Variants in CCT4 observed in about 807,000 individuals in gnomAD.
CCT4 encodes the protein chaperonin containing TCP1 subunit 4, also known as T-complex protein 1 subunit delta.
In CCT4, 17 loss-of-function variants were observed where a neutral mutation model predicts 62.5. The ratio of observed to expected loss-of-function variants is 0.27; its 90% confidence interval spans 0.19 to 0.41. The LOEUF (loss-of-function observed/expected upper bound fraction) is 0.41. CCT4 is among the 10% of genes least tolerant of loss of function. CCT4 has a pLI of 1.00. For missense variants in CCT4, 592 were observed against 659.2 expected (o/e 0.90, Z 1.12); for synonymous variants, 250 against 229.9 (o/e 1.09, Z -0.79).
intron 2 of CCT4, among the ~76,000 whole-genome samples, chr2:61,884,195 G>A (rs1484239281): frequency 1.3e-5 from 2 of 152,174 alleles, no homozygotes; most frequent in Non-Finnish European, 2.9e-5. Flanking sequence ...ATATTTGGGT[G>A]TGCATTCTCA....
intron 3 of CCT4, among the ~76,000 whole-genome samples, chr2:61,882,362 A>T (rs1669137007): frequency 1.3e-5 from 2 of 152,184 alleles, no homozygotes; most frequent in Admixed American, 1.3e-4. Context: ...AAAGAAGTAA[A>T]ATAATTACTG....
chr2:61,887,316 G>GT (rs1346084961), intron 1 of CCT4, among the ~76,000 whole-genome samples: 20 of 152,282 alleles, frequency 1.3e-4, no homozygotes, highest in African/African-American at 3.9e-4. Context: ...GCAAACACAT[G>GT]TAAGGTGTAC....
chr2:61,884,205 ATTGT>A (rs929820580), intron 2 of CCT4, among the ~76,000 whole-genome samples: 1 of 152,184 alleles, frequency 6.6e-6, no homozygotes, highest in African/African-American at 2.4e-5. Flanking sequence ...GTGCATTCTC[ATTGT>A]TTAAGAAGCA....
At chr2:61,870,710 G>A (rs1045520141) in intron 12 of CCT4, among the ~76,000 whole-genome samples, 3 of 152,158 alleles carry the variant, frequency 2.0e-5, no homozygotes, top group Admixed American at 6.6e-5. Flanking sequence ...CCTGAGCTCA[G>A]GAGTGCAAAA....
chr2:61,875,822 A>G (rs952104385), intron 8 of CCT4, among the ~76,000 whole-genome samples: 9 of 152,136 alleles, frequency 5.9e-5, no homozygotes, highest in Non-Finnish European at 1.2e-4. Context: ...TACAAGTCAT[A>G]TATTTGTTTA....
Position 61,873,866 on chromosome 2 carries a change from CATTT to C in CCT4, c.918-577_918-574del, listed in dbSNP as rs540298746. ...CAGGCATGAGCCACTGCACCCGGCT[CATTT>C]ATTTATTTTTAATAGAGACAGGGTC... On this transcript the variant is annotated intron_variant, in intron 8 of 13. Transcript: ENST00000394440. Among the ~76,000 whole-genome samples, 269 of 151,588 alleles carry C rather than the reference CATTT, an allele frequency of 1.8e-3. 1 individual carries two copies. Among genetic ancestry groups the C allele is most frequent in the African/African-American group, 6.1e-3 (253 of 41,382 alleles).
At chr2:61,870,240 A>C (rs1398410056) in intron 12 of CCT4, among the ~76,000 whole-genome samples, 1 of 151,854 alleles carries the variant, frequency 6.6e-6, no homozygotes, top group Non-Finnish European at 1.5e-5. Flanking sequence ...GTGCCACTGC[A>C]CTCCAGCCTG....
Position 61,876,092 on chromosome 2 carries a change from C to G in CCT4, c.917+3G>C, listed in dbSNP as rs367950565. ...GGGATGAACAAAATAAATAGCCCCA[C>G]ACCTTAGAATAGATTTCTGTATGAG... On this transcript the variant is annotated splice_donor_region_variant and intron_variant, in intron 8 of 13. Transcript: ENST00000394440. 6.3e-7 allele frequency: 1 copy of G among 1,587,330 alleles called. No individual in the cohort carries two copies. The highest frequency in any genetic ancestry group is 8.6e-7 in the Non-Finnish European group (1 of 1,161,272).
At position 61,873,252 on chromosome 2, in the gene CCT4, A is replaced by G. The variant is rs1432429122; in HGVS notation, c.959T>C (p.Met320Thr). The G allele has an allele frequency of 1.2e-5, 18 of 1,542,702 alleles. No homozygotes were observed. In the Admixed American group the frequency reaches 1.5e-4, roughly 13 times the overall value. The change falls in exon 9 of 14, where the codon ATG becomes ACG. Residue 320 changes from methionine to threonine, a missense_variant. Met to Thr is a moderately conservative substitution (Grantham distance 81, BLOSUM62 -1). This residue lies in a region of CCT4 where 522 missense variants were observed against 571.2 expected (regional missense o/e 0.91). Transcript: ENST00000394440. ...SDLALHFLNK[M>T]KIMVIKDIER... ...AATATCCTTAATCACCATGATCTTCATTTTATTCAGAAAGTGTAATGCAAG... is the reference window on the plus strand; with the variant it reads ...AATATCCTTAATCACCATGATCTTCGTTTTATTCAGAAAGTGTAATGCAAG...
chr2:61,881,888 T>A (rs927253891), intron 3 of CCT4, among the ~76,000 whole-genome samples: 1 of 151,840 alleles, frequency 6.6e-6, no homozygotes, highest in Non-Finnish European at 1.5e-5. Context: ...AAAAATTTTT[T>A]AAAAGCCATC....
intron 4 of CCT4, 151 bp downstream of exon 4, chr2:61,880,135 T>C (rs1441921383): frequency 8.4e-6 from 4 of 477,678 alleles, no homozygotes; most frequent in South Asian, 4.0e-5. Context: ...ATTATAAATA[T>C]AGCAAAATCT....
chr2:61,883,773 GACACAC>G (rs59031193), intron 2 of CCT4, among the ~76,000 whole-genome samples: 6,067 of 143,856 alleles, frequency 0.042, 188 homozygotes, highest in African/African-American at 0.089. Flanking sequence ...AAGAAATGTA[GACACAC>G]ACACACACAC....
At chr2:61,884,891 G>T (rs1313260520) in intron 2 of CCT4, 129 bp downstream of exon 2, 1 of 718,894 alleles carries the variant, frequency 1.4e-6, no homozygotes, top group South Asian at 1.8e-5. Flanking sequence ...CTCCCAAAGT[G>T]CTGGGATTAT....
At chr2:61,881,658 A>G (rs984436841) in intron 3 of CCT4, among the ~76,000 whole-genome samples, 8 of 152,076 alleles carry the variant, frequency 5.3e-5, no homozygotes, top group African/African-American at 1.9e-4. Flanking sequence ...ATCATTTTCT[A>G]TTTTTTAAGT....
intron 12 of CCT4, 26 bp from the exon 13 acceptor site, chr2:61,869,579 CT>C: frequency 7.7e-7 from 1 of 1,306,480 alleles, no homozygotes; most frequent in Non-Finnish European, 1.1e-6. Context: ...GCACAAGTTG[CT>C]TTTAGTGTCT....
intron 8 of CCT4, among the ~76,000 whole-genome samples, chr2:61,873,547 T>C (rs189059097): frequency 0.016 from 2,337 of 149,836 alleles, 51 homozygotes; most frequent in African/African-American, 0.053. Flanking sequence ...AGGTCATTAT[T>C]TTTTCCCCAT....
At chr2:61,882,714 T>C (rs1669145686) in intron 3 of CCT4, among the ~76,000 whole-genome samples, 1 of 152,124 alleles carries the variant, frequency 6.6e-6, no homozygotes, top group Non-Finnish European at 1.5e-5. Context: ...TCTCGCCATG[T>C]TGGCCAAGCT....
intron 3 of CCT4, among the ~76,000 whole-genome samples, chr2:61,882,438 A>G (rs923337089): frequency 1.3e-5 from 2 of 152,176 alleles, no homozygotes; most frequent in African/African-American, 4.8e-5. Flanking sequence ...GCTATGCACC[A>G]TACCCTAATA....
intron 8 of CCT4, among the ~76,000 whole-genome samples, chr2:61,874,542 C>T (rs1668956327): frequency 6.6e-6 from 1 of 151,000 alleles, no homozygotes; most frequent in African/African-American, 2.4e-5. Flanking sequence ...ACCTGGGAGG[C>T]AGAGGTTGCA....
Sources: gnomAD v4.1 joint callset for allele counts (sites outside exome capture counted in the v4.1 genomes callset) on GRCh38, gnomAD v4.1.1 for gene constraint, gnomAD v4.1.1 regional missense constraint, MANE v1.5 for transcripts, NCBI Gene and HGNC (gene_info 2026-07-23, HGNC 2026-07-21) for gene names.